GRK5: variants seen among roughly 807,000 people sequenced by gnomAD.
GRK5 encodes g protein-coupled receptor kinase GRK5.
In GRK5, 40 loss-of-function variants were observed where a neutral mutation model predicts 78.4. That is an observed-to-expected ratio of 0.51 (90% CI 0.40 to 0.66). The LOEUF (loss-of-function observed/expected upper bound fraction) is 0.66. Among genes scored for constraint, GRK5 ranks in the 30% least tolerant of loss-of-function variants. The pLI, the probability that GRK5 is intolerant of heterozygous loss-of-function variation, is 0.00. For synonymous variants in GRK5, 289 were observed against 296.8 expected, an observed-to-expected ratio of 0.97 and a Z score of 0.27; for missense variants, 598 against 759.9, an observed-to-expected ratio of 0.79 and a Z score of 2.50.
chr10:119,416,567 G>C (rs1738578591), intron 4 of GRK5, among the ~76,000 whole-genome samples: 1 of 145,880 alleles, frequency 6.9e-6, no homozygotes, highest in South Asian at 2.2e-4. Context: ...GCTCCCTCTC[G>C]AATTGATCGC....
At chr10:119,392,829 A>G (rs907488862) in intron 3 of GRK5, among the ~76,000 whole-genome samples, 1 of 152,218 alleles carries the variant, frequency 6.6e-6, no homozygotes, top group African/African-American at 2.4e-5. Flanking sequence ...CACTCTTTGC[A>G]TACAGTTTAC....
intron 1 of GRK5, among the ~76,000 whole-genome samples, chr10:119,299,948 G>T (rs1259747979): frequency 6.6e-6 from 1 of 152,062 alleles, no homozygotes; most frequent in Non-Finnish European, 1.5e-5. Flanking sequence ...ATCTCCTAAT[G>T]CTAGCCCTCC....
chr10:119,369,969 T>C (rs1033738009), intron 2 of GRK5, among the ~76,000 whole-genome samples: 5 of 152,160 alleles, frequency 3.3e-5, no homozygotes, highest in African/African-American at 9.6e-5. Flanking sequence ...TCTAAATTGT[T>C]TGCCTTTTTT....
At chr10:119,208,834 G>A (rs1589678689) in intron 1 of GRK5, among the ~76,000 whole-genome samples, 1 of 152,164 alleles carries the variant, frequency 6.6e-6, no homozygotes, top group African/African-American at 2.4e-5. Flanking sequence ...AAACTTGGGT[G>A]CTTCCTGAAA....
chr10:119,288,064 C>T (rs1849887621), intron 1 of GRK5, among the ~76,000 whole-genome samples: 1 of 152,222 alleles, frequency 6.6e-6, no homozygotes, highest in Non-Finnish European at 1.5e-5. Context: ...TTAGGGTTAG[C>T]CCAGAGCGGG....
intron 2 of GRK5, among the ~76,000 whole-genome samples, chr10:119,350,162 C>T (rs745938159): frequency 1.3e-5 from 2 of 152,242 alleles, no homozygotes; most frequent in East Asian, 1.9e-4. Context: ...GGCCTGTTGC[C>T]AGTGCCGGCT....
At chr10:119,427,715 T>C (rs1211329408) in intron 6 of GRK5, among the ~76,000 whole-genome samples, 2 of 134,066 alleles carry the variant, frequency 1.5e-5, no homozygotes, top group Admixed American at 1.5e-4. Context: ...ACCACCATCA[T>C]TAGTATCACC....
At chr10:119,338,599 G>A (rs576233311) in intron 2 of GRK5, among the ~76,000 whole-genome samples, 91 of 152,212 alleles carry the variant, frequency 6.0e-4, no homozygotes, top group African/African-American at 2.0e-3. Context: ...TGTCAGGCAT[G>A]GTGGATACAT....
At chr10:119,300,181 C>T (rs1203810275) in intron 1 of GRK5, among the ~76,000 whole-genome samples, 5 of 152,132 alleles carry the variant, frequency 3.3e-5, no homozygotes, top group Admixed American at 2.6e-4. Context: ...CCCTGGGTGC[C>T]GCTGTGCCAC....
chr10:119,315,872 C>T (rs1850478043), intron 1 of GRK5, among the ~76,000 whole-genome samples: 1 of 152,164 alleles, frequency 6.6e-6, no homozygotes, highest in Non-Finnish European at 1.5e-5. Flanking sequence ...TCAGGGCTTT[C>T]CTTCCTCCCC....
intron 1 of GRK5, among the ~76,000 whole-genome samples, chr10:119,288,484 T>C (rs1287417804): frequency 6.6e-6 from 1 of 152,108 alleles, no homozygotes; most frequent in Non-Finnish European, 1.5e-5. Context: ...CCCCAAAGCT[T>C]TATTGTGGGT....
rs2991766 is a variant in GRK5, at chr10:119,459,599, A to G, written c.*4532A>G. The G allele has an allele frequency of 1, 151,596 of 152,350 alleles. 75,428 individuals are homozygous for G. The highest frequency in any genetic ancestry group is 1 in the Middle Eastern group (294 of 294). 9.4% of individuals were successfully genotyped at this position (152,350 alleles called of 1,614,324 possible). On this transcript the variant is annotated 3_prime_UTR_variant, in exon 16 of 16. Coordinates refer to ENST00000392870, the MANE Select transcript of GRK5 (RefSeq NM_005308.3). ...GACATTAATGAATGGAAACTTCCACAGTGGCGGTCACTCCTGAAGGCAGCG... is the reference window on the plus strand; with the variant it reads ...GACATTAATGAATGGAAACTTCCACGGTGGCGGTCACTCCTGAAGGCAGCG...
At chr10:119,303,768 T>C (rs974684901) in intron 1 of GRK5, among the ~76,000 whole-genome samples, 2 of 146,782 alleles carry the variant, frequency 1.4e-5, no homozygotes, top group Middle Eastern at 3.5e-3. Flanking sequence ...CCTGGGGCCA[T>C]AGGGAGGGGG....
At chr10:119,386,658 A>G (rs541376607) in intron 3 of GRK5, among the ~76,000 whole-genome samples, 31 of 152,270 alleles carry the variant, frequency 2.0e-4, no homozygotes, top group African/African-American at 7.5e-4. Context: ...TTTCATCTGC[A>G]TCCCTGGGAA....
Position 119,221,155 on chromosome 10 carries a change from C to T in GRK5, c.52+13186C>T, listed in dbSNP as rs936734855. On this transcript the variant is annotated intron_variant, in intron 1 of 15. Coordinates refer to ENST00000392870, the MANE Select transcript of GRK5 (RefSeq NM_005308.3). ...TGAGGGACAAAGTAAAACTATATCT[C>T]GGAAAAAAAAAAAAGTCCAAAGGAC... 7.3e-5 allele frequency among the ~76,000 whole-genome samples: 11 copies of T among 150,466 alleles called. No individual in the cohort carries two copies. The East Asian group carries it at 9.7e-4, about 13-fold the overall frequency.
chr10:119,380,941 C>T lies in GRK5; in HGVS notation c.261+14C>T, dbSNP rs774948184. 3 of 1,486,568 alleles carry T rather than the reference C, an allele frequency of 2.0e-6. No individual in the cohort carries two copies. The highest frequency in any genetic ancestry group is 2.8e-6 in the Non-Finnish European group (3 of 1,064,312). The allele number at this position is 1,486,568 out of a possible 1,614,324, so 92.1% of individuals were successfully genotyped here. On this transcript the variant is annotated intron_variant, in intron 3 of 15. Coordinates refer to ENST00000392870, the MANE Select transcript of GRK5 (RefSeq NM_005308.3). ...CTGGACTCCGTGGTAAGTTCCTGCT[C>T]CTGAGGGATGGTCCTGTGGTCCTCT...
chr10:119,371,363 C>T (rs1851543927), intron 2 of GRK5, among the ~76,000 whole-genome samples: 1 of 152,238 alleles, frequency 6.6e-6, no homozygotes, highest in African/African-American at 2.4e-5. Context: ...CTCTGGTTGC[C>T]CTCCAAGAGT....
At chr10:119,338,297 C>A (rs1850928602) in intron 2 of GRK5, among the ~76,000 whole-genome samples, 1 of 152,148 alleles carries the variant, frequency 6.6e-6, no homozygotes, top group East Asian at 1.9e-4. Flanking sequence ...GGCCATGTTG[C>A]AGCTTTTTCA....
intron 1 of GRK5, among the ~76,000 whole-genome samples, chr10:119,255,542 T>G (rs949677786): frequency 5.3e-5 from 8 of 152,182 alleles, no homozygotes; most frequent in African/African-American, 1.9e-4. Flanking sequence ...CACTTTGTAC[T>G]AACACCGCTG....
Sources: gnomAD v4.1 joint callset for allele counts (sites outside exome capture counted in the v4.1 genomes callset) on GRCh38, gnomAD v4.1.1 for gene constraint, MANE v1.5 for transcripts, NCBI Gene and HGNC (gene_info 2026-07-23, HGNC 2026-07-21) for gene names.